The following UNC5D variants were observed in gnomAD, a reference collection of about 807,000 sequenced individuals.
The protein encoded by UNC5D is netrin receptor UNC5D.
In UNC5D, 39 loss-of-function variants were observed where a neutral mutation model predicts 105.4. The observed-to-expected ratio is 0.37, with a 90% CI of 0.29 to 0.48. UNC5D has a LOEUF of 0.48. Among genes scored for constraint, UNC5D ranks in the 20% least tolerant of loss-of-function variants. The pLI is 0.98. For synonymous variants in UNC5D, 452 were observed against 450.4 expected (o/e 1.00, Z -0.04); for missense variants, 991 against 1,202.4 (o/e 0.82, Z 2.60).
At chr8:35,428,209 A>C (rs1331691623) in intron 1 of UNC5D, among the ~76,000 whole-genome samples, 1 of 151,816 alleles carries the variant, frequency 6.6e-6, no homozygotes, top group East Asian at 1.9e-4. Context: ...ACAAAGTCTC[A>C]CTCTGTCACC....
At chr8:35,287,907 C>G (rs1806730070) in intron 1 of UNC5D, among the ~76,000 whole-genome samples, 1 of 151,912 alleles carries the variant, frequency 6.6e-6, no homozygotes, top group South Asian at 2.1e-4. Context: ...TTGAAATTAT[C>G]GAATCAAAGC....
intron 1 of UNC5D, among the ~76,000 whole-genome samples, chr8:35,264,552 A>AC (rs1303484810): frequency 2.0e-5 from 3 of 152,086 alleles, no homozygotes; most frequent in Non-Finnish European, 4.4e-5. Context: ...ACAAGGTGAA[A>AC]CCCCATCTCT....
At chr8:35,512,474 A>ATG (rs71520000) in intron 1 of UNC5D, among the ~76,000 whole-genome samples, 1 of 97,658 alleles carries the variant, frequency 1.0e-5, no homozygotes, top group East Asian at 3.0e-4. Context: ...CCATATATAT[A>ATG]TATATATATA....
rs1294790827 is a variant in UNC5D at position 35,726,454 on chromosome 8, C to T, written c.1606C>T (p.Leu536Phe). The change falls in exon 10 of 17, where the codon CTC (leucine) becomes TTC (phenylalanine). Residue 536 changes from leucine to phenylalanine, a missense_variant. By Grantham distance (22) the Leu-to-Phe change is conservative (BLOSUM62 0). Transcript: ENST00000404895. ...GCCCTACATCCAAAATCTGTCATCA[C>T]TCCCCACAAGGACAGAACTGAGGAC... The part of the protein sequence containing the change: ...KMPYIQNLSS[L>F]PTRTELRTTG... The T allele has an allele frequency of 6.2e-7, 1 of 1,614,160 alleles. No homozygotes were observed. Among genetic ancestry groups the T allele is most frequent in the South Asian group, 1.1e-5 (1 of 91,074 alleles).
intron 3 of UNC5D, among the ~76,000 whole-genome samples, chr8:35,585,860 A>G (rs1237695449): frequency 6.6e-6 from 1 of 152,050 alleles, no homozygotes; most frequent in Non-Finnish European, 1.5e-5. Context: ...TTGTCCTTTA[A>G]TGCCAGTTAT....
At chr8:35,758,434 CAATT>C (rs145490487) in intron 13 of UNC5D, among the ~76,000 whole-genome samples, 11,397 of 151,950 alleles carry the variant, frequency 0.075, 1,156 homozygotes, top group African/African-American at 0.23. Context: ...AATAATATAT[CAATT>C]AATTAATGGT....
intron 2 of UNC5D, among the ~76,000 whole-genome samples, chr8:35,566,606 A>G (rs569025905): frequency 6.6e-6 from 1 of 152,336 alleles, no homozygotes; most frequent in East Asian, 1.9e-4. Context: ...AGGCTCACAC[A>G]CCAGACCCTT....
In UNC5D at chr8:35,549,419, G is replaced by A. The variant is rs1335791003; in HGVS notation, c.231G>A (p.Ala77=). Residue 77 remains alanine, a synonymous_variant, in exon 2 of 17, where the codon GCG becomes GCA. Coordinates refer to ENST00000404895, the MANE Select transcript of UNC5D (RefSeq NM_080872.4). The part of the protein sequence containing the change: ...KSNPIALRCK[A]RPAMQIFFKC... Reference sequence around the variant, plus strand: ...ACCCTATTGCACTCAGGTGCAAAGCGAGGCCAGCCATGCAGATATTCTTCA... The same window carrying A: ...ACCCTATTGCACTCAGGTGCAAAGCAAGGCCAGCCATGCAGATATTCTTCA... 5.6e-6 allele frequency: 9 copies of A among 1,613,130 alleles called. No individual in the cohort carries two copies. Among genetic ancestry groups the A allele is most frequent in the East Asian group, 4.5e-5 (2 of 44,894 alleles).
chr8:35,562,921 A>G (rs1412581045), intron 2 of UNC5D, among the ~76,000 whole-genome samples: 1 of 152,012 alleles, frequency 6.6e-6, no homozygotes, highest in Non-Finnish European at 1.5e-5. Context: ...GTTTTCTTTG[A>G]GTGATTTCAT....
chr8:35,339,043 A>G (rs1423515080), intron 1 of UNC5D, among the ~76,000 whole-genome samples: 1 of 152,180 alleles, frequency 6.6e-6, no homozygotes, highest in Non-Finnish European at 1.5e-5. Context: ...CTTTCTGATA[A>G]CTTAGTTGGA....
At chr8:35,494,369 T>G (rs1811410801) in intron 1 of UNC5D, among the ~76,000 whole-genome samples, 1 of 152,164 alleles carries the variant, frequency 6.6e-6, no homozygotes. Context: ...GAAATTTTAT[T>G]TACATATTAG....
chr8:35,750,040 A>G (rs946096834), intron 12 of UNC5D, among the ~76,000 whole-genome samples: 4 of 151,764 alleles, frequency 2.6e-5, no homozygotes, highest in Non-Finnish European at 5.9e-5. Context: ...CTAAAACTCA[A>G]CATTGAACAA....
At position 35,671,145 on chromosome 8, in the gene UNC5D, C is replaced by CTTAG. The variant is rs1824773017; in HGVS notation, c.571-12398_571-12395dup. 2.0e-5 allele frequency among the ~76,000 whole-genome samples: 3 copies of CTTAG among 152,182 alleles called. 1 individual carries two copies. The South Asian group carries it at 6.2e-4, about 32-fold the overall frequency. On this transcript the variant is annotated intron_variant, in intron 4 of 16. Transcript: ENST00000404895. ...CCTTCATAATAGTAAAACCATTGTG[C>CTTAG]TTAGTTACAATGGAAATGCGTTTTT...
At chr8:35,339,995 T>G (rs1045287221) in intron 1 of UNC5D, among the ~76,000 whole-genome samples, 4 of 152,200 alleles carry the variant, frequency 2.6e-5, no homozygotes, top group African/African-American at 9.6e-5. Flanking sequence ...CACGTCTCCT[T>G]TAATTCAGAG....
intron 3 of UNC5D, among the ~76,000 whole-genome samples, chr8:35,569,310 T>C (rs1563544819): frequency 6.6e-6 from 1 of 152,132 alleles, no homozygotes; most frequent in Admixed American, 6.5e-5. Context: ...CAGAAAGAAA[T>C]TGGGAGATAG....
intron 1 of UNC5D, among the ~76,000 whole-genome samples, chr8:35,535,009 C>T (rs1423460831): frequency 6.6e-6 from 1 of 152,080 alleles, no homozygotes; most frequent in Admixed American, 6.5e-5. Flanking sequence ...GGTTTAATAT[C>T]TTCCCCCAAA....
At chr8:35,337,197 G>A (rs989512292) in intron 1 of UNC5D, among the ~76,000 whole-genome samples, 4 of 151,982 alleles carry the variant, frequency 2.6e-5, no homozygotes, top group East Asian at 1.9e-4. Context: ...GGACGTCTTC[G>A]ATATATTTGT....
At chr8:35,282,644 G>A (rs561323667) in intron 1 of UNC5D, among the ~76,000 whole-genome samples, 7 of 145,348 alleles carry the variant, frequency 4.8e-5, no homozygotes, top group African/African-American at 1.0e-4. Flanking sequence ...AATGCTTCCC[G>A]TGTTCTTTAA....
chr8:35,409,453 A>G (rs1563389468), intron 1 of UNC5D, among the ~76,000 whole-genome samples: 1 of 151,878 alleles, frequency 6.6e-6, no homozygotes, highest in Non-Finnish European at 1.5e-5. Context: ...TAATAGGTGG[A>G]TACTGGTTTC....
Sources: allele counts gnomAD v4.1 joint callset (sites outside exome capture counted in the v4.1 genomes callset), GRCh38; gene constraint gnomAD v4.1.1; transcripts MANE v1.5; gene names NCBI Gene and HGNC (gene_info 2026-07-23, HGNC 2026-07-21).